HCN1: variants seen among roughly 807,000 people sequenced by gnomAD.
HCN1 encodes potassium/sodium hyperpolarization-activated cyclic nucleotide-gated channel 1.
Under a neutral mutation model 78.9 loss-of-function variants are expected in HCN1, and 13 were observed. The observed-to-expected ratio is 0.16, with a 90% CI of 0.11 to 0.26. The LOEUF (loss-of-function observed/expected upper bound fraction) is 0.26, where lower values mean the gene tolerates loss of function less well. Among genes scored for constraint, HCN1 ranks in the 10% least tolerant of loss-of-function variants. The probability of loss-of-function intolerance (pLI) is 1.00; values close to 1 mark genes in which losing one functional copy is unlikely to be tolerated. For missense variants in HCN1, 810 were observed against 1,154.3 expected (o/e 0.70, Z 4.32); for synonymous variants, 552 against 455.5 (o/e 1.21, Z -2.70).
intron 3 of HCN1, among the ~76,000 whole-genome samples, chr5:45,431,062 T>C (rs1246759374): frequency 6.6e-6 from 1 of 152,174 alleles, no homozygotes; most frequent in Non-Finnish European, 1.5e-5. Context: ...CCAGCAGCAG[T>C]GTATAAGCAT....
intron 2 of HCN1, among the ~76,000 whole-genome samples, chr5:45,641,313 T>C (rs1745450947): frequency 6.6e-6 from 1 of 152,168 alleles, no homozygotes; most frequent in Admixed American, 6.6e-5. Flanking sequence ...TGGAATAAAT[T>C]TCCTTATTAC....
intron 6 of HCN1, among the ~76,000 whole-genome samples, chr5:45,275,740 C>T (rs1745045015): frequency 6.6e-6 from 1 of 151,950 alleles, no homozygotes; most frequent in Admixed American, 6.6e-5. Flanking sequence ...GCGTGTTAGC[C>T]CATGTGACAT....
At chr5:45,694,080 C>T (rs1447524921) in intron 1 of HCN1, among the ~76,000 whole-genome samples, 2 of 152,246 alleles carry the variant, frequency 1.3e-5, no homozygotes, top group East Asian at 3.9e-4. Flanking sequence ...CCTTATACAT[C>T]TTAGAACAGG....
chr5:45,661,075 G>A (rs1395689044), intron 1 of HCN1, among the ~76,000 whole-genome samples: 2 of 143,962 alleles, frequency 1.4e-5, no homozygotes, highest in East Asian at 4.0e-4. Flanking sequence ...CTCAGCAAAT[G>A]TAAAAGAACA....
At chr5:45,534,126 TG>T (rs1742915980) in intron 2 of HCN1, among the ~76,000 whole-genome samples, 1 of 152,066 alleles carries the variant, frequency 6.6e-6, no homozygotes, top group African/African-American at 2.4e-5. Context: ...CCGGGTATGG[TG>T]GCTCATGCCT....
chr5:45,571,857 T>G (rs1743843759), intron 2 of HCN1, among the ~76,000 whole-genome samples: 1 of 152,120 alleles, frequency 6.6e-6, no homozygotes, highest in Non-Finnish European at 1.5e-5. Context: ...GAGGTTGCAG[T>G]GAGCTGAGAT....
chr5:45,505,540 C>A (rs1742281143), intron 2 of HCN1, among the ~76,000 whole-genome samples: 1 of 152,026 alleles, frequency 6.6e-6, no homozygotes, highest in African/African-American at 2.4e-5. Flanking sequence ...TAGCGTGATG[C>A]CTCCCGCTTT....
intron 3 of HCN1, among the ~76,000 whole-genome samples, chr5:45,419,861 C>A (rs1740192348): frequency 6.6e-6 from 1 of 152,156 alleles, no homozygotes; most frequent in African/African-American, 2.4e-5. Context: ...TCTTTAGTCC[C>A]CAACATTCCA....
chr5:45,306,973 C>A (rs780120790), intron 5 of HCN1, among the ~76,000 whole-genome samples: 4 of 151,830 alleles, frequency 2.6e-5, no homozygotes, highest in Non-Finnish European at 4.4e-5. Flanking sequence ...TTTTGTAGTA[C>A]AAGAAAGTAT....
intron 2 of HCN1, among the ~76,000 whole-genome samples, chr5:45,613,168 C>A (rs1336726081): frequency 8.1e-6 from 1 of 124,184 alleles, no homozygotes; most frequent in Non-Finnish European, 1.6e-5. Flanking sequence ...CCCCACCCCA[C>A]AACAGTCCCC....
At chr5:45,650,544 A>C (rs1745656158) in intron 1 of HCN1, among the ~76,000 whole-genome samples, 1 of 152,046 alleles carries the variant, frequency 6.6e-6, no homozygotes, top group African/African-American at 2.4e-5. Flanking sequence ...TTATAATTAC[A>C]GCAAAATCAT....
Position 45,257,650 on chromosome 5 carries a change from A to G in HCN1, c.*4271T>C, listed in dbSNP as rs1744646638. 6.6e-6 allele frequency: 1 copy of G among 152,184 alleles called. No homozygotes were observed. The highest frequency in any genetic ancestry group is 2.4e-5 in the African/African-American group (1 of 41,444). The allele number at this position is 152,184 out of a possible 1,614,324, so 9.4% of individuals were successfully genotyped here. A position where few individuals can be genotyped will look rare whatever the true frequency, so the allele number is the denominator to read the frequency against. On this transcript the variant is annotated 3_prime_UTR_variant, in exon 8 of 8. Transcript: ENST00000303230. ...AAGAGATGCAGGGTTGTGCAAGTGC[A>G]GGGTTGTTAAAAAGGAAAAAAATTG... is the stretch of plus-strand genomic sequence containing the variant.
chr5:45,377,247 C>T (rs555997957), intron 4 of HCN1, among the ~76,000 whole-genome samples: 3 of 151,968 alleles, frequency 2.0e-5, no homozygotes, highest in African/African-American at 4.8e-5. Flanking sequence ...TGGTGGCAGT[C>T]GGAATTCAAT....
chr5:45,696,060 T>G lies in HCN1; in HGVS notation c.34A>C (p.Asn12His). ...EGGGKPNSSS[N>H]SRDDGNSVFP... ...ACGCTGTTGCCATCGTCCCGGCTGT[T>G]AGACGAAGAGTTGGGCTTGCCGCCT... Residue 12 changes from asparagine (N) to histidine (H), a missense_variant, in exon 1 of 8, where the codon AAC becomes CAC. Asn to His is a moderately conservative substitution (Grantham distance 68). This residue lies in a region of HCN1 where 170 missense variants were observed against 166.8 expected (regional missense o/e 1.02). Transcript: ENST00000303230. The G allele has an allele frequency of 7.4e-7, 1 of 1,355,460 alleles. No homozygotes were observed. The highest frequency in any genetic ancestry group is 1.5e-5 in the South Asian group (1 of 68,324). The allele number at this position is 1,355,460 out of a possible 1,614,324, so 84.0% of individuals were successfully genotyped here. A position where few individuals can be genotyped will look rare whatever the true frequency, so the allele number is the denominator to read the frequency against.
At chr5:45,376,225 T>TGG (rs1747656572) in intron 4 of HCN1, among the ~76,000 whole-genome samples, 2 of 3,872 alleles carry the variant, frequency 5.2e-4, no homozygotes, top group African/African-American at 1.6e-3. Flanking sequence ...ACATTATATA[T>TGG]AATATATATT....
At chr5:45,556,073 C>T (rs1236966512) in intron 2 of HCN1, among the ~76,000 whole-genome samples, 1 of 151,632 alleles carries the variant, frequency 6.6e-6, no homozygotes, top group Non-Finnish European at 1.5e-5. Context: ...TGGATTAAAC[C>T]CTTAAATCTA....
In HCN1 at chr5:45,405,339, T is replaced by C. The variant is rs184828131; in HGVS notation, c.1012-8629A>G. On this transcript the variant is annotated intron_variant, in intron 3 of 7. Coordinates refer to ENST00000303230, the MANE Select transcript of HCN1 (RefSeq NM_021072.4). Reference sequence around the variant, plus strand: ...CCATAATTTTATTATCTGTAAACAGTTGGTCTTTGAACAATGCAGGCGTTA... The same window carrying C: ...CCATAATTTTATTATCTGTAAACAGCTGGTCTTTGAACAATGCAGGCGTTA... 4.4e-3 allele frequency among the ~76,000 whole-genome samples: 663 copies of C among 152,220 alleles called. 6 individuals carry two copies. The highest frequency in any genetic ancestry group is 7.6e-3 in the Non-Finnish European group (515 of 68,010).
chr5:45,584,989 ATCCGACAATTATGTG>A (rs1401150561), intron 2 of HCN1, among the ~76,000 whole-genome samples: 1 of 152,148 alleles, frequency 6.6e-6, no homozygotes, highest in African/African-American at 2.4e-5. Flanking sequence ...ACTTTGGTGA[ATCCGACAATTATGTG>A]TCTTGGAGTT....
At chr5:45,445,553 C>T (rs1399733287) in intron 3 of HCN1, among the ~76,000 whole-genome samples, 1 of 152,160 alleles carries the variant, frequency 6.6e-6, no homozygotes, top group African/African-American at 2.4e-5. Flanking sequence ...CAGCATGCAG[C>T]TGGAGATCTG....
Sources: allele counts gnomAD v4.1 joint callset (sites outside exome capture counted in the v4.1 genomes callset), GRCh38; gene constraint gnomAD v4.1.1; regional missense constraint gnomAD v4.1.1; transcripts MANE v1.5; gene names NCBI Gene and HGNC (gene_info 2026-07-23, HGNC 2026-07-21).